SGCD: variants seen among roughly 807,000 people sequenced by gnomAD.
The protein encoded by SGCD is sarcoglycan delta.
Under a neutral mutation model 36.6 loss-of-function variants are expected in SGCD, and 18 were observed. The ratio of observed to expected loss-of-function variants is 0.49; its 90% CI spans 0.34 to 0.73. SGCD has a LOEUF of 0.73. Ranked by LOEUF, SGCD falls within the 30% of genes least tolerant of loss-of-function variation. SGCD has a pLI of 0.01. For missense variants in SGCD, 387 were observed against 346.7 expected (o/e 1.12, Z -0.92); for synonymous variants, 133 against 130.6 (o/e 1.02, Z -0.12).
intron 3 of SGCD, among the ~76,000 whole-genome samples, chr5:156,321,420 AAAATAAATAAAC>A (rs1767663823): frequency 7.7e-6 from 1 of 130,214 alleles, no homozygotes; most frequent in Non-Finnish European, 1.6e-5. Flanking sequence ...ACTCCGACTG[AAAATAAATAAAC>A]AAATAAATAA....
chr5:156,329,665 A>C, intron 2 of SGCD, 86 bp downstream of exon 2: 11 of 1,238,828 alleles, frequency 8.9e-6, no homozygotes, highest in Non-Finnish European at 1.2e-5. Context: ...AAAGAGAACA[A>C]AGTGTTATAT....
chr5:156,182,478 C>G (rs1399852763), intron 3 of SGCD, among the ~76,000 whole-genome samples: 1 of 152,146 alleles, frequency 6.6e-6, no homozygotes, highest in Admixed American at 6.5e-5. Flanking sequence ...GTAGTCCCAG[C>G]TACTCGGGAG....
intron 7 of SGCD, among the ~76,000 whole-genome samples, chr5:156,703,444 C>T (rs1344158381): frequency 5.3e-5 from 8 of 150,866 alleles, no homozygotes; most frequent in Admixed American, 5.3e-4. Context: ...TCCTACCACA[C>T]GTTTATCTAA....
chr5:156,279,210 C>T (rs916374287), intron 3 of SGCD, among the ~76,000 whole-genome samples: 2 of 152,016 alleles, frequency 1.3e-5, no homozygotes, highest in South Asian at 4.2e-4. Context: ...CTGTTATGGG[C>T]GGGGTAGGAA....
intron 6 of SGCD, among the ~76,000 whole-genome samples, chr5:156,617,674 T>C (rs1290647548): frequency 6.6e-6 from 1 of 152,112 alleles, no homozygotes; most frequent in African/African-American, 2.4e-5. Flanking sequence ...CTTAAAACAG[T>C]TGGAAGTGCC....
At chr5:155,751,142 A>G in the SGCD span, among the ~76,000 whole-genome samples, 4 of 152,238 alleles carry the variant, frequency 2.6e-5, no homozygotes, top group African/African-American at 9.6e-5. Flanking sequence ...GAATATGCAC[A>G]CAAGTGAGTA....
At chr5:156,157,784 A>C (rs138214541) in intron 3 of SGCD, among the ~76,000 whole-genome samples, 236 of 151,816 alleles carry the variant, frequency 1.6e-3, no homozygotes, top group Middle Eastern at 3.4e-3. Context: ...AGTGGTTTGA[A>C]TAGGGTTCTT....
In SGCD at chr5:156,763,437, A is replaced by G. The variant is rs1757532454; in HGVS notation, c.*4047A>G. On this transcript the variant is annotated 3_prime_UTR_variant, in exon 9 of 9. Coordinates refer to ENST00000337851, the MANE Select transcript of SGCD (RefSeq NM_000337.6). ...ATAATTGGAAGTATTGGAAAAAGCA[A>G]AATACATGGGGACAAAAAAAATACA... 3 of 152,628 alleles carry G rather than the reference A, an allele frequency of 2.0e-5. No individual in the cohort carries two copies. The highest frequency in any genetic ancestry group is 7.2e-5 in the African/African-American group (3 of 41,446). The allele number at this position is 152,628 out of a possible 1,614,324, so 9.5% of individuals were successfully genotyped here.
At chr5:156,392,093 C>T (rs182468194) in intron 3 of SGCD, among the ~76,000 whole-genome samples, 37 of 152,288 alleles carry the variant, frequency 2.4e-4, no homozygotes, top group Admixed American at 2.3e-3. Context: ...AAAATACTTA[C>T]CTTTGTATGG....
rs187727053 is a variant in SGCD, at chr5:156,635,338, C to T, written c.503-12126C>T. Reference sequence around the variant, plus strand: ...TGCAAATCAAAACCACAATGAGATACCATCTGTCACCAGTTAGAATGGCGA... The same window carrying T: ...TGCAAATCAAAACCACAATGAGATATCATCTGTCACCAGTTAGAATGGCGA... On this transcript the variant is annotated intron_variant, in intron 6 of 8. Coordinates refer to ENST00000337851, the MANE Select transcript of SGCD (RefSeq NM_000337.6). Among the ~76,000 whole-genome samples, 1,042 of 152,232 alleles carry T rather than the reference C, an allele frequency of 6.8e-3. 10 individuals are homozygous for T. The highest frequency in any genetic ancestry group is 9.0e-3 in the Non-Finnish European group (612 of 68,026).
intron 1 of SGCD, among the ~76,000 whole-genome samples, chr5:155,969,425 G>A (rs944674568): frequency 6.6e-6 from 1 of 152,050 alleles, no homozygotes; most frequent in East Asian, 1.9e-4. Context: ...TGAGAGAACT[G>A]CACACATTAA....
At chr5:155,927,296 C>G (rs1476846179) in intron 1 of SGCD, among the ~76,000 whole-genome samples, 10 of 152,232 alleles carry the variant, frequency 6.6e-5, no homozygotes, top group Non-Finnish European at 1.3e-4. Flanking sequence ...GTGCAGAAAG[C>G]TGAAATGCAT....
chr5:156,435,391 A>C (rs1753199213), intron 3 of SGCD, among the ~76,000 whole-genome samples: 1 of 152,214 alleles, frequency 6.6e-6, no homozygotes, highest in Non-Finnish European at 1.5e-5. Flanking sequence ...GGACATCCTC[A>C]GATATTTTTA....
Position 156,759,418 on chromosome 5 carries a change from C to G in SGCD, c.*28C>G, listed in dbSNP as rs2113187362. 1 of 1,546,762 alleles carries G rather than the reference C, an allele frequency of 6.5e-7. No homozygotes were observed. Among genetic ancestry groups the G allele is most frequent in the East Asian group, 2.3e-5 (1 of 44,150 alleles). On this transcript the variant is annotated 3_prime_UTR_variant, in exon 9 of 9. Transcript: ENST00000337851. ...GACTATCCATAGTGGACATTGTTGG[C>G]AGCATAAAGGCCTTTTTTGGCTTTA...
chr5:156,604,580 T>A (rs1450699199), intron 6 of SGCD, among the ~76,000 whole-genome samples: 2 of 151,836 alleles, frequency 1.3e-5, no homozygotes, highest in East Asian at 3.9e-4. Context: ...AATAACAATT[T>A]AATTCCAGTC....
At chr5:156,660,385 G>T (rs1368826763) in intron 7 of SGCD, among the ~76,000 whole-genome samples, 7 of 152,420 alleles carry the variant, frequency 4.6e-5, no homozygotes, top group Non-Finnish European at 2.9e-5. Context: ...CATGTGACTG[G>T]TGTTACCATC....
chr5:155,947,229 G>A (rs1561659433), intron 1 of SGCD, among the ~76,000 whole-genome samples: 1 of 151,334 alleles, frequency 6.6e-6, no homozygotes. Context: ...GTTATTATTA[G>A]CCCCGCTTAG....
rs1158051640 is a variant in SGCD at position 156,049,982 on chromosome 5, C to T, written c.-281-67896C>T. ...TTTGAATGGGCAAAGAAAGTGATTT[C>T]TTCAGATGGAGTCCACTCCTGGTGA... On this transcript the variant is annotated intron_variant, in intron 1 of 9. Coordinates refer to the SGCD transcript ENST00000517913. Among the ~76,000 whole-genome samples the T allele has an allele frequency of 5.5e-5, 8 of 146,718 alleles. 1 individual carries two copies. Among genetic ancestry groups the T allele is most frequent in the Non-Finnish European group, 1.1e-4 (7 of 65,054 alleles).
At chr5:156,226,991 G>A (rs140141858) in intron 3 of SGCD, among the ~76,000 whole-genome samples, 1,958 of 152,098 alleles carry the variant, frequency 0.013, 15 homozygotes, top group Middle Eastern at 0.024. Flanking sequence ...GTAGATTCTA[G>A]ATATTATTCC....
Sources: gnomAD v4.1 joint callset for allele counts (sites outside exome capture counted in the v4.1 genomes callset) on GRCh38, gnomAD v4.1.1 for gene constraint, MANE v1.5 for transcripts, NCBI Gene and HGNC (gene_info 2026-07-23, HGNC 2026-07-21) for gene names.